HAPLN1: variants seen among roughly 807,000 people sequenced by gnomAD.
HAPLN1 encodes hyaluronan and proteoglycan link protein 1, also known as Cartilage link protein.
In HAPLN1, 13 loss-of-function variants were observed where a neutral mutation model predicts 36.5. That is an observed-to-expected ratio of 0.36 (90% CI 0.23 to 0.57). The LOEUF (loss-of-function observed/expected upper bound fraction) is 0.57. HAPLN1 is among the 20% of genes least tolerant of loss of function. HAPLN1 has a pLI of 0.83. For missense variants in HAPLN1, 407 were observed against 439.7 expected (o/e 0.93, Z 0.66); for synonymous variants, 202 against 169.8 (o/e 1.19, Z -1.48).
chr5:83,684,606 T>A (rs1751077969), intron 1 of HAPLN1, among the ~76,000 whole-genome samples: 1 of 152,124 alleles, frequency 6.6e-6, no homozygotes, highest in African/African-American at 2.4e-5. Context: ...TGCTGCTTAA[T>A]CATATGAACT....
intron 4 of HAPLN1, among the ~76,000 whole-genome samples, chr5:83,642,901 C>G (rs916628217): frequency 2.6e-5 from 4 of 152,180 alleles, no homozygotes; most frequent in African/African-American, 4.8e-5. Context: ...GGAATGCTGC[C>G]ATCTCCCTCT....
chr5:83,679,094 G>A (rs527461642), intron 1 of HAPLN1, among the ~76,000 whole-genome samples: 1 of 152,300 alleles, frequency 6.6e-6, no homozygotes, highest in African/African-American at 2.4e-5. Flanking sequence ...ATATATTTCA[G>A]TTTAATATTT....
chr5:83,700,102 G>A (rs1751471924), intron 1 of HAPLN1, among the ~76,000 whole-genome samples: 2 of 150,876 alleles, frequency 1.3e-5, no homozygotes, highest in Non-Finnish European at 2.9e-5. Flanking sequence ...GCTGAGGCAG[G>A]AGAATCACTT....
chr5:83,679,584 A>G (rs1254248274), intron 1 of HAPLN1, among the ~76,000 whole-genome samples: 1 of 152,068 alleles, frequency 6.6e-6, no homozygotes, highest in Non-Finnish European at 1.5e-5. Flanking sequence ...TATTTATTAC[A>G]TTATATGATA....
chr5:83,704,831 G>C (rs1010819709), intron 1 of HAPLN1, among the ~76,000 whole-genome samples: 1 of 152,186 alleles, frequency 6.6e-6, no homozygotes, highest in Non-Finnish European at 1.5e-5. Context: ...TCCACTGACA[G>C]TATTAGACAG....
At position 83,639,301 on chromosome 5, in the gene HAPLN1, A is replaced by T. The variant is rs2112543515; in HGVS notation, c.*2195T>A. The T allele has an allele frequency of 6.6e-6, 1 of 152,208 alleles. No individual in the cohort carries two copies. The highest frequency in any genetic ancestry group is 2.4e-5 in the African/African-American group (1 of 41,580). The allele number at this position is 152,208 out of a possible 1,614,324, so 9.4% of individuals were successfully genotyped here. A position where few individuals can be genotyped will look rare whatever the true frequency, so the allele number is the denominator to read the frequency against. On this transcript the variant is annotated 3_prime_UTR_variant, in exon 5 of 5. Transcript: ENST00000274341. ...TTTTTTGTTTTTTACACGAATGGAAAAATGATGTGTAAGTGGTATAGATTT... is the reference window on the plus strand; with the variant it reads ...TTTTTTGTTTTTTACACGAATGGAATAATGATGTGTAAGTGGTATAGATTT...
At chr5:83,655,618 G>A (rs1305434522) in intron 2 of HAPLN1, among the ~76,000 whole-genome samples, 1 of 152,056 alleles carries the variant, frequency 6.6e-6, no homozygotes, top group African/African-American at 2.4e-5. Flanking sequence ...CATATTTAGT[G>A]ACTAAGGCCA....
intron 2 of HAPLN1, among the ~76,000 whole-genome samples, chr5:83,665,711 GT>G (rs1285336084): frequency 6.6e-6 from 1 of 152,072 alleles, no homozygotes; most frequent in African/African-American, 2.4e-5. Context: ...CAAAATGTCT[GT>G]TTTTCTTTTG....
intron 1 of HAPLN1, among the ~76,000 whole-genome samples, chr5:83,716,802 C>T (rs1002987238): frequency 1.6e-4 from 25 of 152,108 alleles, no homozygotes; most frequent in Non-Finnish European, 2.9e-5. Flanking sequence ...GAGGCCGAGG[C>T]GGGTGGATCA....
At chr5:83,669,115 G>T (rs1171720349) in intron 2 of HAPLN1, among the ~76,000 whole-genome samples, 1 of 152,132 alleles carries the variant, frequency 6.6e-6, no homozygotes, top group African/African-American at 2.4e-5. Context: ...GCGGATCTGT[G>T]CTCACATAGT....
chr5:83,649,437 G>T (rs1000850996), intron 3 of HAPLN1, among the ~76,000 whole-genome samples: 34 of 150,550 alleles, frequency 2.3e-4, no homozygotes, highest in Admixed American at 1.4e-3. Flanking sequence ...CAAGTATCTG[G>T]TTTTTTTTTG....
chr5:83,644,731 C>T, intron 3 of HAPLN1, 66 bp from the exon 4 acceptor site: 2 of 1,200,508 alleles, frequency 1.7e-6, no homozygotes, highest in Non-Finnish European at 2.2e-6. Flanking sequence ...GCAAATGCCA[C>T]CTAGTTGGTG....
At chr5:83,696,758 T>C in intron 1 of HAPLN1, among the ~76,000 whole-genome samples, 1 of 152,184 alleles carries the variant, frequency 6.6e-6, no homozygotes, top group East Asian at 1.9e-4. Flanking sequence ...GTATTAATTT[T>C]CTTTGCTCTA....
At chr5:83,678,073 C>A (rs1275915595) in intron 1 of HAPLN1, among the ~76,000 whole-genome samples, 1 of 152,140 alleles carries the variant, frequency 6.6e-6, no homozygotes, top group African/African-American at 2.4e-5. Context: ...TTGAGACCCA[C>A]TGGGCTAAGT....
chr5:83,674,063 A>G (rs1012181246), intron 1 of HAPLN1: 3 of 152,850 alleles, frequency 2.0e-5, no homozygotes, highest in African/African-American at 4.8e-5. Flanking sequence ...GCTTGTTCCA[A>G]ATAGAAAAGA....
intron 1 of HAPLN1, among the ~76,000 whole-genome samples, chr5:83,693,575 G>GT (rs78656883): frequency 0.27 from 40,483 of 151,524 alleles, 6,010 homozygotes; most frequent in Non-Finnish European, 0.34. Flanking sequence ...ACCACTATAT[G>GT]TTTTTTAAGA....
chr5:83,710,546 GA>G lies in HAPLN1; in HGVS notation c.-27+10242del, dbSNP rs543708982. Among the ~76,000 whole-genome samples, 22 of 147,620 alleles carry G rather than the reference GA, an allele frequency of 1.5e-4. No homozygotes were observed. In the South Asian group the frequency reaches 1.7e-3, roughly 11 times the overall value. On this transcript the variant is annotated intron_variant, in intron 1 of 4. Coordinates refer to ENST00000274341, the MANE Select transcript of HAPLN1 (RefSeq NM_001884.4). ...TAGACAGTGAACATAGGTAGTTCAG[GA>G]AAAAAAAAAGTGGCTCTCATGAAAA...
intron 2 of HAPLN1, among the ~76,000 whole-genome samples, chr5:83,659,177 GGCAGGAGAATC>G (rs1750310836): frequency 6.6e-6 from 1 of 152,044 alleles, no homozygotes; most frequent in Non-Finnish European, 1.5e-5. Context: ...GGGAGGCCGA[GGCAGGAGAATC>G]GCTTGAATCT....
In HAPLN1 at chr5:83,711,459, C is replaced by A. The variant is rs115431073; in HGVS notation, c.-27+9330G>T. On this transcript the variant is annotated intron_variant, in intron 1 of 4. Coordinates refer to ENST00000274341, the MANE Select transcript of HAPLN1 (RefSeq NM_001884.4). ...GAAAAAAGATTTTGTTTTTTGGATC[C>A]CTTTGCAAACAACAGAACAAGGACA... Among the ~76,000 whole-genome samples the A allele has an allele frequency of 9.0e-3, 1,376 of 152,158 alleles. 20 individuals are homozygous for A. The highest frequency in any genetic ancestry group is 0.031 in the African/African-American group (1,298 of 41,518).
Sources: gnomAD v4.1 joint callset for allele counts (sites outside exome capture counted in the v4.1 genomes callset) on GRCh38, gnomAD v4.1.1 for gene constraint, MANE v1.5 for transcripts, NCBI Gene and HGNC (gene_info 2026-07-23, HGNC 2026-07-21) for gene names.